UGT1A7: variants seen among roughly 807,000 people sequenced by gnomAD.
The protein encoded by UGT1A7 is UDP-glucuronosyltransferase 1A7.
UGT1A7 carries 33 observed loss-of-function variants against 45.6 expected under a neutral mutation model. The ratio of observed to expected loss-of-function variants is 0.72; its 90% CI spans 0.55 to 0.97. The LOEUF (loss-of-function observed/expected upper bound fraction) is 0.97, where lower values mean the gene tolerates loss of function less well. UGT1A7 is among the 50% of genes least tolerant of loss of function. UGT1A7 has a pLI of 0.00. For synonymous variants in UGT1A7, 274 were observed against 250.6 expected (o/e 1.09, Z -0.88); for missense variants, 684 against 666.2 (o/e 1.03, Z -0.29).
At chr2:233,733,635 C>T (rs2078423363) in intron 1 of UGT1A7, among the ~76,000 whole-genome samples, 1 of 152,186 alleles carries the variant, frequency 6.6e-6, no homozygotes, top group African/African-American at 2.4e-5. Flanking sequence ...TTGAACCAGC[C>T]TTGCATCCCA....
At chr2:233,756,805 G>A (rs1176135462) in intron 1 of UGT1A7, among the ~76,000 whole-genome samples, 2 of 151,978 alleles carry the variant, frequency 1.3e-5, no homozygotes, top group South Asian at 2.1e-4. Context: ...CACTAGTAAA[G>A]GTCACTCAAT....
chr2:233,719,720 C>T (rs2076799652), intron 1 of UGT1A7: 1 of 1,613,702 alleles, frequency 6.2e-7, no homozygotes, highest in African/African-American at 1.3e-5. Context: ...AATCAATGTT[C>T]CAGGCAAAAC....
chr2:233,691,615 C>T lies in UGT1A7; in HGVS notation c.855+8823C>T. 4.1e-6 allele frequency: 4 copies of T among 985,680 alleles called. No homozygotes were observed. In the South Asian group the frequency reaches 1.9e-4, roughly 46 times the overall value. The allele number at this position is 985,680 out of a possible 1,614,324, so 61.1% of individuals were successfully genotyped here. ...TACACAGGTCTTGCTCTGGGACCGC[C>T]CTCAGCAGTGTGGTTAGCAGGCAGG... On this transcript the variant is annotated intron_variant, in intron 1 of 4. Coordinates refer to ENST00000373426, the MANE Select transcript of UGT1A7 (RefSeq NM_019077.3).
chr2:233,769,535 A>C lies in UGT1A7; in HGVS notation c.1295+1096A>C, dbSNP rs573901660. 3.1e-6 allele frequency: 5 copies of C among 1,612,920 alleles called. No homozygotes were observed. The highest frequency in any genetic ancestry group is 1.7e-5 in the Admixed American group (1 of 60,014). ...TCCCATGGTTACCTCCTTTAGAAAG[A>C]AGCAGCAGTCAGGAAGACAGATGTG... On this transcript the variant is annotated intron_variant, in intron 4 of 4. Coordinates refer to ENST00000373426, the MANE Select transcript of UGT1A7 (RefSeq NM_019077.3). The surrounding 1 kb of genome is among the most constrained non-coding windows in gnomAD (Gnocchi z 4.4).
intron 1 of UGT1A7, chr2:233,713,871 G>A: frequency 5.0e-6 from 8 of 1,613,804 alleles, no homozygotes; most frequent in Non-Finnish European, 6.8e-6. Flanking sequence ...CTGTATTGGT[G>A]CCTTTATCCA....
chr2:233,695,870 A>G (rs1194370927), intron 1 of UGT1A7, among the ~76,000 whole-genome samples: 2 of 152,186 alleles, frequency 1.3e-5, no homozygotes, highest in African/African-American at 4.8e-5. Flanking sequence ...ACAACAAACA[A>G]CGCAGAAAAC....
In UGT1A7 at chr2:233,769,763, G is replaced by A; in HGVS notation, c.1295+1324G>A. 4 of 1,411,540 alleles carry A rather than the reference G, an allele frequency of 2.8e-6. No homozygotes were observed. The South Asian group carries it at 4.7e-5, about 17-fold the overall frequency. The allele number at this position is 1,411,540 out of a possible 1,614,324, so 87.4% of individuals were successfully genotyped here. A position where few individuals can be genotyped will look rare whatever the true frequency, so the allele number is the denominator to read the frequency against. ...CCAGCCACTCTGGAGGCTAAGGCGG[G>A]AGGATTGCTTGAGCCCAGAAGTTGG... On this transcript the variant is annotated intron_variant, in intron 4 of 4. Transcript: ENST00000373426. The surrounding 1 kb of genome is among the most constrained non-coding windows in gnomAD (Gnocchi z 4.4).
At chr2:233,737,753 A>G (rs151132399) in intron 1 of UGT1A7, among the ~76,000 whole-genome samples, 3 of 151,992 alleles carry the variant, frequency 2.0e-5, no homozygotes, top group East Asian at 1.9e-4. Context: ...CAGTTTTTCA[A>G]TGTGAACATA....
intron 1 of UGT1A7, among the ~76,000 whole-genome samples, chr2:233,733,728 TG>T (rs1325830019): frequency 1.3e-5 from 2 of 152,260 alleles, no homozygotes; most frequent in Admixed American, 6.5e-5. Flanking sequence ...TGAGGATTTT[TG>T]CATCGATGTT....
In UGT1A7 at chr2:233,772,482, T is replaced by G. The variant is rs780493798; in HGVS notation, c.1516T>G (p.Cys506Gly). Residue 506 changes from cysteine to glycine, a missense_variant, in exon 5 of 5, where the codon TGT becomes GGT. Transcript: ENST00000373426. ...GACAGTGGCCTTCATCACCTTTAAATGTTGTGCTTATGGCTACCGGAAATG... is the reference window on the plus strand; with the variant it reads ...GACAGTGGCCTTCATCACCTTTAAAGGTTGTGCTTATGGCTACCGGAAATG... Reference protein sequence around the residue: ...VLTVAFITFKCCAYGYRKCLG... With the variant: ...VLTVAFITFKGCAYGYRKCLG... 5.0e-6 allele frequency: 8 copies of G among 1,614,124 alleles called. No homozygotes were observed. The Admixed American group carries it at 1.3e-4, about 27-fold the overall frequency.
At chr2:233,718,407 A>G (rs1424568880) in intron 1 of UGT1A7, among the ~76,000 whole-genome samples, 1 of 152,254 alleles carries the variant, frequency 6.6e-6, no homozygotes, top group African/African-American at 2.4e-5. Flanking sequence ...ATAGCGTCAC[A>G]TTCAGCAGAG....
At chr2:233,718,970 G>A (rs45510694) in intron 1 of UGT1A7, 3 of 1,614,194 alleles carry the variant, frequency 1.9e-6, no homozygotes, top group African/African-American at 1.3e-5. Context: ...CCTTGCGGGA[G>A]CTCCATGCCA....
In UGT1A7 at chr2:233,685,275, C is replaced by T. The variant is rs570132038; in HGVS notation, c.855+2483C>T. Among the ~76,000 whole-genome samples the T allele has an allele frequency of 9.2e-5, 14 of 152,192 alleles. No homozygotes were observed. In the South Asian group the frequency reaches 1.2e-3, roughly 14 times the overall value. On this transcript the variant is annotated intron_variant, in intron 1 of 4. Coordinates refer to ENST00000373426, the MANE Select transcript of UGT1A7 (RefSeq NM_019077.3). ...CTCTGACTCCTGACCTCAAGTGATC[C>T]GCCCGCCTCCGCCTTTCAAAGTGTT...
intron 1 of UGT1A7, among the ~76,000 whole-genome samples, chr2:233,766,023 T>C (rs1365175031): frequency 6.6e-6 from 1 of 152,110 alleles, no homozygotes; most frequent in Non-Finnish European, 1.5e-5. Context: ...TTCTTTTAGT[T>C]TTGCCCTCTA....
intron 1 of UGT1A7, chr2:233,717,684 G>A: frequency 2.3e-6 from 1 of 439,992 alleles, no homozygotes; most frequent in South Asian, 1.6e-5. Flanking sequence ...GCACATGTAG[G>A]AGTGACTTTC....
In UGT1A7 at chr2:233,742,835, A is replaced by G. The variant is rs1692114452; in HGVS notation, c.856-24199A>G. 10 of 157,840 alleles carry G rather than the reference A, an allele frequency of 6.3e-5. No individual in the cohort carries two copies. In the South Asian group the frequency reaches 1.7e-3, roughly 27 times the overall value. 9.8% of individuals were successfully genotyped at this position (157,840 alleles called of 1,614,324 possible). A position where few individuals can be genotyped will look rare whatever the true frequency, so the allele number is the denominator to read the frequency against. ...TATTATTTGTAGATTTCACCACTAC[A>G]CACTAAACAATAAAGTCAAATGATT... On this transcript the variant is annotated intron_variant, in intron 1 of 4. Coordinates refer to ENST00000373426, the MANE Select transcript of UGT1A7 (RefSeq NM_019077.3).
Position 233,756,099 on chromosome 2 carries a change from C to T in UGT1A7, c.856-10935C>T, listed in dbSNP as rs117664856. ...ATGAGAAAATCAAGTAACATTATTACGGAAATAGTTTTGACTTTGTAAAAT... is the reference window on the plus strand; with the variant it reads ...ATGAGAAAATCAAGTAACATTATTATGGAAATAGTTTTGACTTTGTAAAAT... On this transcript the variant is annotated intron_variant, in intron 1 of 4. Coordinates refer to ENST00000373426, the MANE Select transcript of UGT1A7 (RefSeq NM_019077.3). 23 of 152,310 alleles carry T rather than the reference C, an allele frequency of 1.5e-4. 1 individual carries two copies. In the East Asian group the frequency reaches 4.0e-3, roughly 27 times the overall value. 9.4% of individuals were successfully genotyped at this position (152,310 alleles called of 1,614,324 possible). A position where few individuals can be genotyped will look rare whatever the true frequency, so the allele number is the denominator to read the frequency against.
intron 1 of UGT1A7, among the ~76,000 whole-genome samples, chr2:233,726,182 C>A (rs2077513267): frequency 6.6e-6 from 1 of 152,136 alleles, no homozygotes; most frequent in Admixed American, 6.6e-5. Flanking sequence ...ATAAAAATTT[C>A]TTTGGCATAT....
intron 1 of UGT1A7, among the ~76,000 whole-genome samples, chr2:233,720,373 A>G (rs1230236901): frequency 1.3e-5 from 2 of 152,118 alleles, no homozygotes; most frequent in Non-Finnish European, 2.9e-5. Flanking sequence ...AGGGTCTTCT[A>G]CTTGGAATGC....
Sources: gnomAD v4.1 joint callset for allele counts (sites outside exome capture counted in the v4.1 genomes callset) on GRCh38, gnomAD v4.1.1 for gene constraint, Gnocchi (gnomAD v3.1) non-coding constraint, MANE v1.5 for transcripts, NCBI Gene and HGNC (gene_info 2026-07-23, HGNC 2026-07-21) for gene names.